SEMA3A: variants seen among roughly 807,000 people sequenced by gnomAD.
The protein encoded by SEMA3A is semaphorin-3A.
A neutral mutation model predicts 97.9 loss-of-function variants in SEMA3A; 29 were observed. That is an observed-to-expected ratio of 0.30 (90% CI 0.22 to 0.40). The LOEUF (loss-of-function observed/expected upper bound fraction) is 0.40. Among genes scored for constraint, SEMA3A ranks in the 10% least tolerant of loss-of-function variants. SEMA3A has a pLI of 1.00. For missense variants in SEMA3A, 763 were observed against 951.3 expected (o/e 0.80, Z 2.60); for synonymous variants, 321 against 323.7 (o/e 0.99, Z 0.09).
At chr7:84,474,544 G>A (rs1041398322) in intron 1 of SEMA3A, among the ~76,000 whole-genome samples, 7 of 152,094 alleles carry the variant, frequency 4.6e-5, no homozygotes, top group African/African-American at 1.7e-4. Context: ...GTATCCTCTA[G>A]GTAGGTGTAA....
At chr7:84,393,491 G>A (rs141489741) in intron 1 of SEMA3A, among the ~76,000 whole-genome samples, 5 of 152,074 alleles carry the variant, frequency 3.3e-5, no homozygotes, top group Non-Finnish European at 7.4e-5. Context: ...TAGCATAAAA[G>A]TAGACACATT....
At chr7:84,005,259 CCT>C (rs1398021654) in intron 11 of SEMA3A, 78 bp downstream of exon 11, 21 of 1,057,606 alleles carry the variant, frequency 2.0e-5, no homozygotes, top group South Asian at 2.7e-5. Context: ...CATCCCAACC[CCT>C]GAGATGTTCA....
chr7:84,349,531 T>G (rs965900543), intron 2 of SEMA3A, among the ~76,000 whole-genome samples: 1 of 152,186 alleles, frequency 6.6e-6, no homozygotes, highest in Non-Finnish European at 1.5e-5. Context: ...AGTTCACAGA[T>G]GGTTTTCCTG....
intron 3 of SEMA3A, among the ~76,000 whole-genome samples, chr7:84,224,224 T>G (rs1798940388): frequency 6.6e-6 from 1 of 152,018 alleles, no homozygotes. Flanking sequence ...GTGACCTATG[T>G]AAGAGATGAC....
At chr7:84,271,771 C>A (rs941424620) in intron 3 of SEMA3A, among the ~76,000 whole-genome samples, 5 of 152,064 alleles carry the variant, frequency 3.3e-5, no homozygotes, top group African/African-American at 1.2e-4. Flanking sequence ...GATCTGTCAG[C>A]ACTTTTCAAA....
intron 2 of SEMA3A, among the ~76,000 whole-genome samples, chr7:84,339,897 C>A (rs1802121990): frequency 6.6e-6 from 1 of 151,828 alleles, no homozygotes; most frequent in Non-Finnish European, 1.5e-5. Flanking sequence ...ATTTCAAGCT[C>A]ATAAAACCAT....
At chr7:84,256,478 T>G (rs151295371) in intron 3 of SEMA3A, among the ~76,000 whole-genome samples, 47 of 152,034 alleles carry the variant, frequency 3.1e-4, no homozygotes, top group African/African-American at 1.1e-3. Flanking sequence ...AAAAGGCAAA[T>G]AAGGAAAACA....
intron 6 of SEMA3A, among the ~76,000 whole-genome samples, chr7:84,032,436 A>G (rs1791794997): frequency 6.6e-6 from 1 of 152,160 alleles, no homozygotes; most frequent in African/African-American, 2.4e-5. Context: ...AACACCAGAA[A>G]TTCAGGATCT....
chr7:84,214,354 A>T (rs1323408593), intron 3 of SEMA3A, among the ~76,000 whole-genome samples: 2 of 152,204 alleles, frequency 1.3e-5, no homozygotes, highest in Non-Finnish European at 2.9e-5. Flanking sequence ...ATATAATACC[A>T]ACATTATCTA....
At chr7:84,258,204 G>A (rs1318087023) in intron 3 of SEMA3A, among the ~76,000 whole-genome samples, 2 of 152,032 alleles carry the variant, frequency 1.3e-5, no homozygotes, top group African/African-American at 4.8e-5. Flanking sequence ...TCTTTTTGGG[G>A]GTCAACGGGT....
intron 2 of SEMA3A, among the ~76,000 whole-genome samples, chr7:84,312,700 G>A (rs1801356803): frequency 6.7e-6 from 1 of 148,834 alleles, no homozygotes; most frequent in Non-Finnish European, 1.5e-5. Flanking sequence ...AACACTCTTT[G>A]GAGAATCCTT....
chr7:84,486,185 C>G (rs1334962271), intron 1 of SEMA3A, among the ~76,000 whole-genome samples: 1 of 151,984 alleles, frequency 6.6e-6, no homozygotes, highest in Non-Finnish European at 1.5e-5. Context: ...GTCAGAAGAT[C>G]AAGACCATCC....
At chr7:84,423,661 A>C (rs899663675) in intron 1 of SEMA3A, among the ~76,000 whole-genome samples, 1 of 152,002 alleles carries the variant, frequency 6.6e-6, no homozygotes, top group African/African-American at 2.4e-5. Context: ...TGTTTCCCCA[A>C]ATGAATATAA....
chr7:84,231,818 T>C (rs1799122680), intron 3 of SEMA3A, among the ~76,000 whole-genome samples: 3 of 151,830 alleles, frequency 2.0e-5, no homozygotes, highest in Non-Finnish European at 1.5e-5. Flanking sequence ...CCAAGGCCAA[T>C]GTCAGGTTGG....
At chr7:84,263,816 T>A (rs1799920328) in intron 3 of SEMA3A, among the ~76,000 whole-genome samples, 1 of 152,174 alleles carries the variant, frequency 6.6e-6, no homozygotes, top group African/African-American at 2.4e-5. Context: ...AATCATATAA[T>A]CATAGCTGTG....
chr7:84,476,125 G>A (rs1490851288), intron 1 of SEMA3A, among the ~76,000 whole-genome samples: 3 of 152,092 alleles, frequency 2.0e-5, no homozygotes, highest in Non-Finnish European at 4.4e-5. Flanking sequence ...GGGAGGCCAA[G>A]GCAGGTGGAT....
intron 1 of SEMA3A, among the ~76,000 whole-genome samples, chr7:84,434,134 T>C (rs1000995979): frequency 1.3e-5 from 2 of 152,190 alleles, no homozygotes; most frequent in Non-Finnish European, 2.9e-5. Context: ...TGTAAGGTGG[T>C]ATCTTGTGGA....
At chr7:84,488,937 T>C (rs1806651603) in intron 1 of SEMA3A, among the ~76,000 whole-genome samples, 1 of 152,070 alleles carries the variant, frequency 6.6e-6, no homozygotes, top group Non-Finnish European at 1.5e-5. Context: ...ATTAGAGAGG[T>C]AGTACAGTCC....
intron 15 of SEMA3A, among the ~76,000 whole-genome samples, chr7:83,970,649 T>C (rs1788877699): frequency 6.6e-6 from 1 of 152,214 alleles, no homozygotes. Context: ...AAATAATACA[T>C]GTAAAACTAA....
Sources: allele counts gnomAD v4.1 joint callset (sites outside exome capture counted in the v4.1 genomes callset), GRCh38; gene constraint gnomAD v4.1.1; transcripts MANE v1.5; gene names NCBI Gene and HGNC (gene_info 2026-07-23, HGNC 2026-07-21).